Variants in PAK5 observed in about 807,000 individuals in gnomAD.
PAK5 encodes serine/threonine-protein kinase PAK 5.
A neutral mutation model predicts 65.9 loss-of-function variants in PAK5; 16 were observed. That is an observed-to-expected ratio of 0.24 (90% confidence interval 0.16 to 0.37). The LOEUF (loss-of-function observed/expected upper bound fraction) is 0.37, where lower values mean the gene tolerates loss of function less well. Among genes scored for constraint, PAK5 ranks in the 10% least tolerant of loss-of-function variants. PAK5 has a pLI of 1.00. For synonymous variants in PAK5, 371 were observed against 354.9 expected (o/e 1.05, Z -0.51); for missense variants, 785 against 903.9 (o/e 0.87, Z 1.69).
rs534497948 is a variant in PAK5, at chr20:9,740,289, T to C, written c.-161-28854A>G. ...AAGGCTCTAAATACCAGGGGCTTAT[T>C]TGGGGAGTGGGGCATGTCTAAGACA... is the stretch of plus-strand genomic sequence containing the variant. On this transcript the variant is annotated intron_variant, in intron 1 of 9. Coordinates refer to ENST00000353224, the MANE Select transcript of PAK5 (RefSeq NM_177990.4). Among the ~76,000 whole-genome samples, 35 of 152,224 alleles carry C rather than the reference T, an allele frequency of 2.3e-4. 1 individual carries two copies. The highest frequency in any genetic ancestry group is 7.0e-4 in the African/African-American group (29 of 41,542).
At chr20:9,594,024 C>T (rs534207387) in intron 3 of PAK5, among the ~76,000 whole-genome samples, 3 of 152,354 alleles carry the variant, frequency 2.0e-5, no homozygotes, top group Admixed American at 1.3e-4. Flanking sequence ...CCCAGCCATG[C>T]ACATTGGAAT....
At chr20:9,715,786 T>C (rs1365057294) in intron 1 of PAK5, among the ~76,000 whole-genome samples, 1 of 151,350 alleles carries the variant, frequency 6.6e-6, no homozygotes, top group African/African-American at 2.4e-5. Context: ...CTCAGCAAAC[T>C]ATCACAAGGA....
At chr20:9,638,750 C>A (rs1019128327) in intron 3 of PAK5, among the ~76,000 whole-genome samples, 1 of 152,140 alleles carries the variant, frequency 6.6e-6, no homozygotes, top group Non-Finnish European at 1.5e-5. Context: ...GTAAGCGTGA[C>A]AATGGGTAAG....
chr20:9,583,569 C>A (rs2046017308), intron 3 of PAK5, among the ~76,000 whole-genome samples: 1 of 152,206 alleles, frequency 6.6e-6, no homozygotes, highest in African/African-American at 2.4e-5. Context: ...CTGTTGGATT[C>A]TTTGGTCACA....
chr20:9,806,132 T>TTTTA (rs34085540), intron 1 of PAK5, among the ~76,000 whole-genome samples: 21,076 of 146,008 alleles, frequency 0.14, 1,847 homozygotes, highest in South Asian at 0.28. Context: ...GCCCAGCTAA[T>TTTTA]TTTATTTATT....
intron 1 of PAK5, among the ~76,000 whole-genome samples, chr20:9,820,285 AT>A (rs2049404244): frequency 6.6e-6 from 1 of 152,160 alleles, no homozygotes; most frequent in African/African-American, 2.4e-5. Flanking sequence ...AGGAAAGCTT[AT>A]TTTCTTTAAA....
intron 2 of PAK5, among the ~76,000 whole-genome samples, chr20:9,682,174 G>T (rs913456255): frequency 2.0e-5 from 3 of 152,074 alleles, no homozygotes; most frequent in Non-Finnish European, 4.4e-5. Flanking sequence ...TGGCTAACAC[G>T]GTGAAACTCT....
At chr20:9,783,460 G>A (rs765832232) in intron 1 of PAK5, among the ~76,000 whole-genome samples, 5 of 152,010 alleles carry the variant, frequency 3.3e-5, no homozygotes, top group East Asian at 1.9e-4. Context: ...TCTAAGCACC[G>A]TGTGATATTC....
intron 6 of PAK5, among the ~76,000 whole-genome samples, chr20:9,562,216 T>C (rs566328207): frequency 6.6e-6 from 1 of 152,322 alleles, no homozygotes; most frequent in South Asian, 2.1e-4. Context: ...TCTGCACAGG[T>C]ATTATAATGT....
At chr20:9,674,521 C>T (rs1254196621) in intron 2 of PAK5, among the ~76,000 whole-genome samples, 2 of 152,170 alleles carry the variant, frequency 1.3e-5, no homozygotes, top group Non-Finnish European at 2.9e-5. Flanking sequence ...ACATTGGAAT[C>T]TTAACTGATT....
chr20:9,774,828 C>T (rs971428398), intron 1 of PAK5, among the ~76,000 whole-genome samples: 3 of 151,840 alleles, frequency 2.0e-5, no homozygotes, highest in Non-Finnish European at 4.4e-5. Context: ...TGATGGTGGG[C>T]GCCTGTAGTC....
chr20:9,601,692 G>A (rs1016713919), intron 3 of PAK5, among the ~76,000 whole-genome samples: 1 of 152,040 alleles, frequency 6.6e-6, no homozygotes, highest in Non-Finnish European at 1.5e-5. Flanking sequence ...GTCTTGTTTT[G>A]GCCACTGGAA....
intron 4 of PAK5, among the ~76,000 whole-genome samples, chr20:9,571,008 A>G (rs2045771577): frequency 1.3e-5 from 2 of 152,228 alleles, no homozygotes; most frequent in African/African-American, 4.8e-5. Context: ...CATCTTCAAA[A>G]TAGGCCATGA....
At chr20:9,693,597 G>C (rs2047827476) in intron 2 of PAK5, among the ~76,000 whole-genome samples, 1 of 152,098 alleles carries the variant, frequency 6.6e-6, no homozygotes, top group African/African-American at 2.4e-5. Context: ...GTGGAAACTT[G>C]TCAGTAATGT....
At chr20:9,616,893 T>C (rs944357436) in intron 3 of PAK5, among the ~76,000 whole-genome samples, 8 of 152,206 alleles carry the variant, frequency 5.3e-5, no homozygotes, top group Non-Finnish European at 1.2e-4. Flanking sequence ...GAAATTGCCA[T>C]TTTCTTCTGG....
intron 2 of PAK5, among the ~76,000 whole-genome samples, chr20:9,661,587 C>T (rs191214100): frequency 4.6e-5 from 7 of 152,108 alleles, no homozygotes; most frequent in Middle Eastern, 3.4e-3. Context: ...TCATTTATTG[C>T]CCCTCAATAG....
intron 2 of PAK5, among the ~76,000 whole-genome samples, chr20:9,653,747 T>C (rs1369294993): frequency 1.3e-5 from 2 of 152,188 alleles, no homozygotes; most frequent in East Asian, 3.9e-4. Flanking sequence ...TGTATTTTCT[T>C]ACGGTTCTGG....
Position 9,655,291 on chromosome 20 carries a change from G to T in PAK5, c.-11-10952C>A, listed in dbSNP as rs552245899. Among the ~76,000 whole-genome samples the T allele has an allele frequency of 4.8e-4, 73 of 152,216 alleles. No homozygotes were observed. The South Asian group carries it at 5.6e-3, about 12-fold the overall frequency. Reference sequence around the variant, plus strand: ...ACAAAAGCTAAAAGGGAACTACTTTGTTCCTATCACAAAGTTTCAAATCCA... The same window carrying T: ...ACAAAAGCTAAAAGGGAACTACTTTTTTCCTATCACAAAGTTTCAAATCCA... On this transcript the variant is annotated intron_variant, in intron 2 of 9. Coordinates refer to ENST00000353224, the MANE Select transcript of PAK5 (RefSeq NM_177990.4).
chr20:9,667,540 A>G (rs1317486766), intron 2 of PAK5, among the ~76,000 whole-genome samples: 1 of 152,184 alleles, frequency 6.6e-6, no homozygotes, highest in Admixed American at 6.5e-5. Flanking sequence ...CAAGGTCTAC[A>G]TATGTGAAGC....
Sources: gnomAD v4.1 joint callset for allele counts (sites outside exome capture counted in the v4.1 genomes callset) on GRCh38, gnomAD v4.1.1 for gene constraint, MANE v1.5 for transcripts, NCBI Gene and HGNC (gene_info 2026-07-23, HGNC 2026-07-21) for gene names.